Variants in N4BP1 observed in about 807,000 individuals in gnomAD.
N4BP1 encodes NEDD4 binding protein 1.
Under a neutral mutation model 70.9 loss-of-function variants are expected in N4BP1, and 21 were observed. That is an observed-to-expected ratio of 0.30 (90% CI 0.21 to 0.43). N4BP1 has a LOEUF of 0.43. Among genes scored for constraint, N4BP1 ranks in the 20% least tolerant of loss-of-function variants. N4BP1 has a pLI of 1.00. For synonymous variants in N4BP1, 387 were observed against 394.6 expected, an observed-to-expected ratio of 0.98 and a Z score of 0.23; for missense variants, 936 against 1,069.4, an observed-to-expected ratio of 0.88 and a Z score of 1.74.
chr16:48,556,689 T>C (rs1597094084), intron 2 of N4BP1, among the ~76,000 whole-genome samples: 1 of 152,104 alleles, frequency 6.6e-6, no homozygotes. Context: ...GGAGGAGAGA[T>C]GGGTGACACA....
chr16:48,601,670 T>C (rs1015595462), intron 1 of N4BP1, among the ~76,000 whole-genome samples: 1 of 151,372 alleles, frequency 6.6e-6, no homozygotes, highest in African/African-American at 2.4e-5. Context: ...GAACAAAACC[T>C]TTCTAAGTTA....
intron 1 of N4BP1, among the ~76,000 whole-genome samples, chr16:48,586,858 A>G (rs1964253080): frequency 6.6e-6 from 1 of 152,150 alleles, no homozygotes; most frequent in Non-Finnish European, 1.5e-5. Context: ...GTACAGATAA[A>G]AACTTTTAAC....
At chr16:48,582,849 T>C (rs1380616692) in intron 1 of N4BP1, among the ~76,000 whole-genome samples, 1 of 152,088 alleles carries the variant, frequency 6.6e-6, no homozygotes, top group East Asian at 1.9e-4. Context: ...ATCCTAGCAC[T>C]TGGGGAGGCC....
At chr16:48,595,934 T>C (rs1339586443) in intron 1 of N4BP1, among the ~76,000 whole-genome samples, 1 of 152,206 alleles carries the variant, frequency 6.6e-6, no homozygotes, top group East Asian at 1.9e-4. Flanking sequence ...TCTGAGGGTA[T>C]AAACCCATGG....
chr16:48,594,016 AAAC>A lies in N4BP1; in HGVS notation c.198+15756_198+15758del, dbSNP rs1186690651. 1.7e-4 allele frequency among the ~76,000 whole-genome samples: 25 copies of A among 150,866 alleles called. 4 individuals are homozygous for A. Among genetic ancestry groups the A allele is most frequent in the Admixed American group, 2.6e-4 (4 of 15,162 alleles). Reference sequence around the variant, plus strand: ...GACTCCGTCTCAAAAAAAAAAAAAAAAACAAAAAAAAAACCACCTAGCTTTAGC... The same window carrying A: ...GACTCCGTCTCAAAAAAAAAAAAAAAAAAAAAAAAACCACCTAGCTTTAGC... On this transcript the variant is annotated intron_variant, in intron 1 of 6. Coordinates refer to ENST00000262384, the MANE Select transcript of N4BP1 (RefSeq NM_153029.4).
intron 5 of N4BP1, among the ~76,000 whole-genome samples, chr16:48,547,417 A>G (rs1597090188): frequency 6.6e-6 from 1 of 152,268 alleles, no homozygotes; most frequent in South Asian, 2.1e-4. Flanking sequence ...TAGTATTATT[A>G]CAAATGAAAA....
chr16:48,567,888 T>C (rs1963965580), intron 1 of N4BP1, among the ~76,000 whole-genome samples: 1 of 152,138 alleles, frequency 6.6e-6, no homozygotes, highest in Admixed American at 6.5e-5. Context: ...AGGTGTAGAC[T>C]GCTTGACCCA....
chr16:48,558,543 T>C (rs1379213054), intron 2 of N4BP1, among the ~76,000 whole-genome samples: 1 of 152,210 alleles, frequency 6.6e-6, no homozygotes, highest in Non-Finnish European at 1.5e-5. Flanking sequence ...CTGAGAAATA[T>C]GCCTGTTAAC....
At chr16:48,563,365 T>C (rs989824699) in intron 1 of N4BP1, among the ~76,000 whole-genome samples, 1 of 151,482 alleles carries the variant, frequency 6.6e-6, no homozygotes, top group Non-Finnish European at 1.5e-5. Context: ...TAAAAAAAAA[T>C]TTTTTAAATT....
At chr16:48,569,700 A>G (rs762846064) in intron 1 of N4BP1, among the ~76,000 whole-genome samples, 1 of 152,122 alleles carries the variant, frequency 6.6e-6, no homozygotes, top group Non-Finnish European at 1.5e-5. Flanking sequence ...CTGGCCTGCA[A>G]TGCTATATAT....
chr16:48,591,539 A>T (rs1964338410), intron 1 of N4BP1, among the ~76,000 whole-genome samples: 2 of 152,044 alleles, frequency 1.3e-5, no homozygotes, highest in Admixed American at 1.3e-4. Flanking sequence ...TGATAATAAG[A>T]GATTTTTAAA....
intron 1 of N4BP1, among the ~76,000 whole-genome samples, chr16:48,607,884 G>C (rs1437271814): frequency 2.0e-5 from 3 of 152,058 alleles, no homozygotes; most frequent in Non-Finnish European, 4.4e-5. Context: ...GTTTTGTTGA[G>C]ACGGAGTCTC....
chr16:48,610,010 C>A lies in N4BP1; in HGVS notation c.-38G>T. Reference sequence around the variant, plus strand: ...CTCCCGCGGCGGCGCCGGGGGCCGGCGGCGGCGACGCCCCCTCAGCTTGCT... The same window carrying A: ...CTCCCGCGGCGGCGCCGGGGGCCGGAGGCGGCGACGCCCCCTCAGCTTGCT... On this transcript the variant is annotated 5_prime_UTR_variant, in exon 1 of 7. Transcript: ENST00000262384. The A allele has an allele frequency of 9.2e-7, 1 of 1,086,644 alleles. No individual in the cohort carries two copies. Among genetic ancestry groups the A allele is most frequent in the Non-Finnish European group, 1.1e-6 (1 of 891,166 alleles). 67.3% of individuals were successfully genotyped at this position (1,086,644 alleles called of 1,614,324 possible). A position where few individuals can be genotyped will look rare whatever the true frequency, so the allele number is the denominator to read the frequency against.
At chr16:48,546,286 C>G in intron 5 of N4BP1, 32 bp from the exon 6 acceptor site, 1 of 1,499,896 alleles carries the variant, frequency 6.7e-7, no homozygotes, top group Non-Finnish European at 9.1e-7. Context: ...GGCTGAGAGA[C>G]AGGGTCCTCA....
intron 1 of N4BP1, among the ~76,000 whole-genome samples, chr16:48,595,055 A>T (rs1184893020): frequency 6.6e-6 from 1 of 152,230 alleles, no homozygotes; most frequent in Non-Finnish European, 1.5e-5. Context: ...TCCCAGGGAT[A>T]GCTAAAATGT....
chr16:48,597,322 T>C (rs935538167), intron 1 of N4BP1, among the ~76,000 whole-genome samples: 2 of 152,198 alleles, frequency 1.3e-5, no homozygotes, highest in Non-Finnish European at 2.9e-5. Flanking sequence ...ATTCTGAATT[T>C]AGGGTATATG....
chr16:48,586,951 G>A (rs2151097557), intron 1 of N4BP1, among the ~76,000 whole-genome samples: 1 of 152,138 alleles, frequency 6.6e-6, no homozygotes, highest in African/African-American at 2.4e-5. Context: ...TATGTTCTTA[G>A]CTTTCAAATA....
At chr16:48,595,118 G>A (rs998459202) in intron 1 of N4BP1, among the ~76,000 whole-genome samples, 1 of 152,136 alleles carries the variant, frequency 6.6e-6, no homozygotes, top group African/African-American at 2.4e-5. Flanking sequence ...ACAGAAAACT[G>A]AAGTAATCTT....
In N4BP1 at chr16:48,543,202, C is replaced by G; in HGVS notation, c.2393G>C (p.Arg798Thr). The G allele has an allele frequency of 1.3e-6, 2 of 1,575,044 alleles. No individual in the cohort carries two copies. The highest frequency in any genetic ancestry group is 2.3e-5 in the East Asian group (1 of 44,394). The change falls in exon 7 of 7, where the codon AGA becomes ACA. Residue 798 changes from arginine to threonine, a missense_variant. By Grantham distance (71) the Arg-to-Thr change is moderately conservative. Transcript: ENST00000262384. Reference sequence around the variant, plus strand: ...GCTGGCTGCCTGGGTGCCAGGGACTCTGAAGCTGGGGTCAAACATGCCCAC... The same window carrying G: ...GCTGGCTGCCTGGGTGCCAGGGACTGTGAAGCTGGGGTCAAACATGCCCAC... ...PNVGMFDPSF[R>T]VPGTQAASTS...
Sources: allele counts gnomAD v4.1 joint callset (sites outside exome capture counted in the v4.1 genomes callset), GRCh38; gene constraint gnomAD v4.1.1; transcripts MANE v1.5; gene names NCBI Gene and HGNC (gene_info 2026-07-23, HGNC 2026-07-21).